Variants in PARVB observed in about 807,000 individuals in gnomAD.
The protein encoded by PARVB is parvin beta, also known as beta-parvin.
PARVB carries 46 observed loss-of-function variants against 47.0 expected under a neutral mutation model. That is an observed-to-expected ratio of 0.98 (90% CI 0.77 to 1.25). The LOEUF (loss-of-function observed/expected upper bound fraction) is 1.25, where lower values mean the gene tolerates loss of function less well. Ranked by LOEUF, PARVB falls within the 50% of genes most tolerant of loss-of-function variation. The pLI, the probability that PARVB is intolerant of heterozygous loss-of-function variation, is 0.00. For synonymous variants in PARVB, 196 were observed against 196.3 expected, an observed-to-expected ratio of 1.00 and a Z score of 0.01; for missense variants, 473 against 471.6, an observed-to-expected ratio of 1.00 and a Z score of -0.03.
intron 3 of PARVB, chr22:44,105,722 G>T (rs1470027891): frequency 1.3e-5 from 2 of 152,244 alleles, no homozygotes; most frequent in Non-Finnish European, 2.9e-5. Context: ...ACCGATGGGG[G>T]TCTGTGTCAG....
chr22:44,071,190 G>A (rs7286964), intron 1 of PARVB, among the ~76,000 whole-genome samples: 8,663 of 152,166 alleles, frequency 0.057, 355 homozygotes, highest in Middle Eastern at 0.12. Flanking sequence ...TGAGAAGTCC[G>A]GTAGGAAAAG....
intron 11 of PARVB, among the ~76,000 whole-genome samples, chr22:44,161,308 C>CTTTT (rs769442547): frequency 2.5e-3 from 320 of 128,670 alleles, no homozygotes; most frequent in Middle Eastern, 8.5e-3. Flanking sequence ...TTTTTCTTTT[C>CTTTT]TTTTTTTTTT....
At chr22:44,100,329 C>T (rs936616361) in intron 3 of PARVB, among the ~76,000 whole-genome samples, 1 of 152,134 alleles carries the variant, frequency 6.6e-6, no homozygotes, top group African/African-American at 2.4e-5. Context: ...ATGTGCCCTG[C>T]TCGGCTGGGG....
chr22:44,065,501 T>TG (rs1436409554), intron 1 of PARVB, among the ~76,000 whole-genome samples: 2 of 152,162 alleles, frequency 1.3e-5, no homozygotes, highest in Non-Finnish European at 2.9e-5. Context: ...AACAGGTTTT[T>TG]GGGGAACAGG....
intron 6 of PARVB, among the ~76,000 whole-genome samples, chr22:44,133,774 C>T (rs778148194): frequency 5.3e-5 from 8 of 152,300 alleles, no homozygotes; most frequent in South Asian, 2.1e-4. Context: ...TGGGCTCAAG[C>T]GATCCTCCCA....
At chr22:44,146,788 C>A (rs749117253) in intron 8 of PARVB, 1 of 152,520 alleles carries the variant, frequency 6.6e-6, no homozygotes, top group East Asian at 1.9e-4. Flanking sequence ...AAGCTGGGCT[C>A]CGCAGCTCCC....
chr22:44,014,852 CA>C (rs1361462710), intron 2 of PARVB, among the ~76,000 whole-genome samples: 2 of 111,660 alleles, frequency 1.8e-5, no homozygotes, highest in Non-Finnish European at 4.2e-5. Context: ...ACAGACACAA[CA>C]ATTTTTTTTT....
At chr22:44,071,302 G>T (rs2051649406) in intron 1 of PARVB, among the ~76,000 whole-genome samples, 1 of 152,118 alleles carries the variant, frequency 6.6e-6, no homozygotes, top group Admixed American at 6.5e-5. Context: ...GACTCACTTT[G>T]GGAGATACTG....
intron 2 of PARVB, among the ~76,000 whole-genome samples, chr22:44,096,021 C>T (rs140104361): frequency 0.083 from 12,587 of 152,080 alleles, 554 homozygotes; most frequent in Middle Eastern, 0.12. Context: ...GTCAGGAGTT[C>T]GAAACCAGCC....
intron 1 of PARVB, among the ~76,000 whole-genome samples, chr22:44,076,401 G>A (rs79330384): frequency 0.018 from 2,771 of 152,286 alleles, 38 homozygotes; most frequent in Non-Finnish European, 0.028. Context: ...CCAGAAATTC[G>A]TTCTCCTCAG....
At chr22:44,073,937 T>C (rs911724732) in intron 1 of PARVB, among the ~76,000 whole-genome samples, 2 of 152,222 alleles carry the variant, frequency 1.3e-5, no homozygotes, top group Non-Finnish European at 2.9e-5. Context: ...GAGGTGTGAT[T>C]ATGGTGTGTA....
chr22:44,016,846 C>A (rs1186687643), intron 2 of PARVB, among the ~76,000 whole-genome samples: 3 of 152,164 alleles, frequency 2.0e-5, no homozygotes, highest in Non-Finnish European at 4.4e-5. Context: ...GGATGTTCGA[C>A]CTGTGGCTGT....
chr22:44,119,563 C>T (rs1163086327), intron 4 of PARVB, among the ~76,000 whole-genome samples: 3 of 152,196 alleles, frequency 2.0e-5, no homozygotes, highest in Non-Finnish European at 2.9e-5. Flanking sequence ...TCACCAGGGG[C>T]GGGCTCTAGT....
At chr22:44,031,721 G>A (rs2146894511) in intron 1 of PARVB, among the ~76,000 whole-genome samples, 1 of 152,132 alleles carries the variant, frequency 6.6e-6, no homozygotes, top group Admixed American at 6.5e-5. Flanking sequence ...TCCTGAAATT[G>A]CTTACCCTCG....
At chr22:44,054,962 C>T (rs561635975) in intron 1 of PARVB, among the ~76,000 whole-genome samples, 2 of 131,380 alleles carry the variant, frequency 1.5e-5, no homozygotes, top group East Asian at 2.4e-4. Context: ...TGCACTCCAG[C>T]CTGGGCGACA....
intron 2 of PARVB, among the ~76,000 whole-genome samples, chr22:44,096,139 C>T (rs1031361648): frequency 1.3e-4 from 20 of 152,348 alleles, no homozygotes; most frequent in African/African-American, 4.3e-4. Flanking sequence ...TCAGGAGAAT[C>T]GCTTGAATCC....
intron 3 of PARVB, among the ~76,000 whole-genome samples, chr22:44,102,188 C>T (rs1036178839): frequency 6.6e-6 from 1 of 152,172 alleles, no homozygotes; most frequent in Non-Finnish European, 1.5e-5. Context: ...CTAGCAGTCC[C>T]CGGCAGAGAG....
intron 1 of PARVB, among the ~76,000 whole-genome samples, chr22:44,037,880 G>A (rs1400648454): frequency 6.6e-6 from 1 of 152,192 alleles, no homozygotes; most frequent in Non-Finnish European, 1.5e-5. Context: ...CAGAACCCTA[G>A]TGGCTTCATG....
At chr22:44,044,383 G>A (rs1453523673) in intron 1 of PARVB, among the ~76,000 whole-genome samples, 2 of 152,040 alleles carry the variant, frequency 1.3e-5, no homozygotes, top group Non-Finnish European at 2.9e-5. Context: ...GTAGAGACAG[G>A]GTTTCACCGT....
Sources: allele counts gnomAD v4.1 joint callset (sites outside exome capture counted in the v4.1 genomes callset), GRCh38; gene constraint gnomAD v4.1.1; transcripts MANE v1.5; gene names NCBI Gene and HGNC (gene_info 2026-07-23, HGNC 2026-07-21).